Variants in NXPH1 observed in about 807,000 individuals in gnomAD.
NXPH1 encodes the protein neurexophilin 1.
A neutral mutation model predicts 23.7 loss-of-function variants in NXPH1; 5 were observed. The ratio of observed to expected loss-of-function variants is 0.21; its 90% confidence interval spans 0.11 to 0.44. The LOEUF is 0.44. NXPH1 is among the 20% of genes least tolerant of loss of function. NXPH1 has a pLI of 0.99. For missense variants in NXPH1, 324 were observed against 321.6 expected, an observed-to-expected ratio of 1.01 and a Z score of -0.06; for synonymous variants, 144 against 122.2, an observed-to-expected ratio of 1.18 and a Z score of -1.18.
chr7:8,655,187 C>G (rs1820554073), intron 2 of NXPH1, among the ~76,000 whole-genome samples: 1 of 152,020 alleles, frequency 6.6e-6, no homozygotes, highest in African/African-American at 2.4e-5. Flanking sequence ...GAACTCGAGA[C>G]CAGCCTGGGC....
In NXPH1 at chr7:8,673,661, G is replaced by A. The variant is rs148448636; in HGVS notation, c.55-77347G>A. 2.4e-3 allele frequency among the ~76,000 whole-genome samples: 369 copies of A among 152,116 alleles called. 4 individuals carry two copies. The highest frequency in any genetic ancestry group is 8.2e-3 in the African/African-American group (342 of 41,498). On this transcript the variant is annotated intron_variant, in intron 2 of 2. Coordinates refer to ENST00000405863, the MANE Select transcript of NXPH1 (RefSeq NM_152745.3). Reference sequence around the variant, plus strand: ...TAATAGTTCTGTGCTTACATAGTTTGTGTGTGTGTGCATGTATGTATGTAT... The same window carrying A: ...TAATAGTTCTGTGCTTACATAGTTTATGTGTGTGTGCATGTATGTATGTAT...
At chr7:8,730,469 C>A (rs1320925378) in intron 2 of NXPH1, among the ~76,000 whole-genome samples, 1 of 152,010 alleles carries the variant, frequency 6.6e-6, no homozygotes, top group Non-Finnish European at 1.5e-5. Flanking sequence ...GATTTTGCAG[C>A]AGCTGGTACC....
At chr7:8,471,362 T>A (rs763954748) in intron 2 of NXPH1, among the ~76,000 whole-genome samples, 2 of 152,142 alleles carry the variant, frequency 1.3e-5, no homozygotes, top group Admixed American at 1.3e-4. Flanking sequence ...CACACGAATA[T>A]CATTAACATA....
At chr7:8,530,214 G>T (rs905581046) in intron 2 of NXPH1, among the ~76,000 whole-genome samples, 1 of 152,146 alleles carries the variant, frequency 6.6e-6, no homozygotes, top group Non-Finnish European at 1.5e-5. Flanking sequence ...TATGAGTTGT[G>T]AGATGTCAGA....
intron 2 of NXPH1, among the ~76,000 whole-genome samples, chr7:8,703,006 C>A (rs973013279): frequency 5.3e-5 from 8 of 152,066 alleles, no homozygotes; most frequent in Non-Finnish European, 8.8e-5. Context: ...TTAGTTTCTG[C>A]CAATAGAGGG....
intron 2 of NXPH1, among the ~76,000 whole-genome samples, chr7:8,568,114 C>T (rs1391745122): frequency 2.0e-5 from 3 of 151,790 alleles, no homozygotes; most frequent in African/African-American, 7.3e-5. Flanking sequence ...CCTTCAAATA[C>T]AGGTAAATAA....
chr7:8,628,903 T>C (rs1436315131), intron 2 of NXPH1, among the ~76,000 whole-genome samples: 1 of 151,342 alleles, frequency 6.6e-6, no homozygotes, highest in Non-Finnish European at 1.5e-5. Flanking sequence ...GGGGTTGAGA[T>C]GACGAAAGCC....
intron 2 of NXPH1, among the ~76,000 whole-genome samples, chr7:8,667,235 G>A (rs1328742778): frequency 6.6e-6 from 1 of 151,832 alleles, no homozygotes; most frequent in Non-Finnish European, 1.5e-5. Flanking sequence ...TACATTATTA[G>A]CATATTCTGA....
At chr7:8,533,670 T>C (rs935473534) in intron 2 of NXPH1, among the ~76,000 whole-genome samples, 5 of 152,186 alleles carry the variant, frequency 3.3e-5, no homozygotes, top group Non-Finnish European at 7.4e-5. Context: ...ATACTATTAA[T>C]ACTTTTATAA....
At chr7:8,733,875 A>T (rs1017678337) in intron 2 of NXPH1, among the ~76,000 whole-genome samples, 1 of 152,130 alleles carries the variant, frequency 6.6e-6, no homozygotes, top group Non-Finnish European at 1.5e-5. Context: ...GAAACTCTTT[A>T]GTTTAATTAG....
Position 8,648,263 on chromosome 7 carries a change from C to CT in NXPH1, c.55-102736dup, listed in dbSNP as rs1483943887. Among the ~76,000 whole-genome samples the CT allele has an allele frequency of 7.9e-5, 12 of 151,782 alleles. No individual in the cohort carries two copies. In the South Asian group the frequency reaches 8.3e-4, roughly 11 times the overall value. Reference sequence around the variant, plus strand: ...TATCAAATAGTAGGTTTTATTCATTCTTTTTTTTTCTTGTAGCCATTAACC... The same window carrying CT: ...TATCAAATAGTAGGTTTTATTCATTCTTTTTTTTTTCTTGTAGCCATTAACC... On this transcript the variant is annotated intron_variant, in intron 2 of 2. Coordinates refer to ENST00000405863, the MANE Select transcript of NXPH1 (RefSeq NM_152745.3).
At chr7:8,717,785 C>T (rs1253237313) in intron 2 of NXPH1, among the ~76,000 whole-genome samples, 1 of 151,928 alleles carries the variant, frequency 6.6e-6, no homozygotes, top group Non-Finnish European at 1.5e-5. Context: ...TTACATCATT[C>T]ATGTCTATTT....
At chr7:8,536,901 G>A (rs1818036152) in intron 2 of NXPH1, among the ~76,000 whole-genome samples, 1 of 151,886 alleles carries the variant, frequency 6.6e-6, no homozygotes, top group South Asian at 2.1e-4. Context: ...CAGATAAATG[G>A]TGGTGCCATT....
intron 2 of NXPH1, among the ~76,000 whole-genome samples, chr7:8,455,750 G>A (rs1488374170): frequency 6.6e-6 from 1 of 152,190 alleles, no homozygotes; most frequent in African/African-American, 2.4e-5. Flanking sequence ...TCTTCCAAAA[G>A]GGTTTCAGCC....
chr7:8,665,109 T>C (rs1820739403), intron 2 of NXPH1, among the ~76,000 whole-genome samples: 1 of 152,052 alleles, frequency 6.6e-6, no homozygotes, highest in Non-Finnish European at 1.5e-5. Flanking sequence ...ACCAATGTTT[T>C]GGAGATTTCC....
At chr7:8,443,809 G>A (rs1711604415) in intron 2 of NXPH1, among the ~76,000 whole-genome samples, 1 of 152,178 alleles carries the variant, frequency 6.6e-6, no homozygotes, top group African/African-American at 2.4e-5. Flanking sequence ...GACCCGGGAT[G>A]GAGCGGCGGG....
At chr7:8,642,263 A>G (rs1431936393) in intron 2 of NXPH1, among the ~76,000 whole-genome samples, 1 of 152,120 alleles carries the variant, frequency 6.6e-6, no homozygotes, top group Non-Finnish European at 1.5e-5. Context: ...ATTGGAAATC[A>G]TTTTTCTCTA....
At chr7:8,571,427 G>C (rs551421483) in intron 2 of NXPH1, among the ~76,000 whole-genome samples, 1 of 151,782 alleles carries the variant, frequency 6.6e-6, no homozygotes, top group Non-Finnish European at 1.5e-5. Flanking sequence ...GGGAAATTTG[G>C]GGGGAACAGA....
intron 2 of NXPH1, among the ~76,000 whole-genome samples, chr7:8,582,323 T>C (rs73052507): frequency 6.6e-6 from 1 of 152,178 alleles, no homozygotes; most frequent in African/African-American, 2.4e-5. Flanking sequence ...GTTTGCGTTA[T>C]AGCTCTTTCA....
Sources: gnomAD v4.1 joint callset for allele counts (sites outside exome capture counted in the v4.1 genomes callset) on GRCh38, gnomAD v4.1.1 for gene constraint, MANE v1.5 for transcripts, NCBI Gene and HGNC (gene_info 2026-07-23, HGNC 2026-07-21) for gene names.